AHNAK: variants seen among roughly 807,000 people sequenced by gnomAD.
The protein encoded by AHNAK is neuroblast differentiation-associated protein AHNAK.
AHNAK carries 23 observed loss-of-function variants against 37.8 expected under a neutral mutation model. The ratio of observed to expected loss-of-function variants is 0.61; its 90% CI spans 0.44 to 0.86. The LOEUF (loss-of-function observed/expected upper bound fraction) is 0.86. Among genes scored for constraint, AHNAK ranks in the 40% least tolerant of loss-of-function variants. The probability of loss-of-function intolerance (pLI) is 0.00; values close to 1 mark genes in which losing one functional copy is unlikely to be tolerated. For missense variants in AHNAK, 7,411 were observed against 7,319.4 expected (o/e 1.01, Z -0.46); for synonymous variants, 2,481 against 2,636.3 (o/e 0.94, Z 1.80).
intron 5 of AHNAK, among the ~76,000 whole-genome samples, chr11:62,436,781 A>G (rs1938180972): frequency 6.6e-6 from 1 of 151,086 alleles, no homozygotes; most frequent in Non-Finnish European, 1.5e-5. Flanking sequence ...CCAAAAATAC[A>G]AAAAAAAATT....
intron 5 of AHNAK, among the ~76,000 whole-genome samples, chr11:62,442,580 A>C (rs1260848458): frequency 6.6e-6 from 1 of 151,536 alleles, no homozygotes; most frequent in Non-Finnish European, 1.5e-5. Flanking sequence ...TATTTAGAGA[A>C]AAATATTTGC....
chr11:62,525,464 G>A lies in AHNAK; in HGVS notation c.8953C>T (p.Leu2985=). 2 of 1,613,528 alleles carry A rather than the reference G, an allele frequency of 1.2e-6. No homozygotes were observed. Among genetic ancestry groups the A allele is most frequent in the Non-Finnish European group, 8.5e-7 (1 of 1,179,906 alleles). ...PKVKGDVDIS[L]PKVEGDLKGP... Reference sequence around the variant, plus strand: ...TTGAGGTCACCTTCCACTTTGGGCAGAGAAATATCCACATCGCCCTTCACC... The same window carrying A: ...TTGAGGTCACCTTCCACTTTGGGCAAAGAAATATCCACATCGCCCTTCACC... The change falls in exon 5 of 5, where the codon CTG becomes TTG. Residue 2985 remains leucine (L), a synonymous_variant. Coordinates refer to ENST00000378024, the MANE Select transcript of AHNAK (RefSeq NM_001620.3).
At chr11:62,539,311 G>A (rs939737160) in intron 1 of AHNAK, among the ~76,000 whole-genome samples, 7 of 152,170 alleles carry the variant, frequency 4.6e-5, no homozygotes, top group Non-Finnish European at 7.4e-5. Flanking sequence ...CCTTCAGATC[G>A]CCCAGACACC....
Position 62,521,650 on chromosome 11 carries a change from T to G in AHNAK, c.12767A>C (p.Lys4256Thr). ...KMPEMNIKAPKISMPDFDLHL... is the reference protein window; with the variant it reads ...KMPEMNIKAPTISMPDFDLHL... ...CAAATCAAAGTCAGGCATGGAGATC[T>G]TGGGGGCTTTGATGTTCATCTCAGG... Residue 4256 changes from lysine (K) to threonine (T), a missense_variant, in exon 5 of 5, where the codon AAG (lysine) becomes ACG (threonine). Physicochemically the swap from Lys to Thr is moderately conservative, Grantham distance 78 (BLOSUM62 -1). Coordinates refer to ENST00000378024, the MANE Select transcript of AHNAK (RefSeq NM_001620.3). The G allele has an allele frequency of 6.2e-7, 1 of 1,613,940 alleles. No homozygotes were observed. The highest frequency in any genetic ancestry group is 1.3e-5 in the African/African-American group (1 of 74,942).
At chr11:62,540,506 G>A (rs949911854) in intron 1 of AHNAK, among the ~76,000 whole-genome samples, 5 of 152,122 alleles carry the variant, frequency 3.3e-5, no homozygotes, top group African/African-American at 4.8e-5. Context: ...AGCCTCCCTC[G>A]TGATAGCAAG....
chr11:62,516,723 G>T lies in AHNAK; in HGVS notation c.*21C>A. 6.3e-7 allele frequency: 1 copy of T among 1,581,336 alleles called. No homozygotes were observed. The highest frequency in any genetic ancestry group is 8.6e-7 in the Non-Finnish European group (1 of 1,166,394). On this transcript the variant is annotated 3_prime_UTR_variant, in exon 5 of 5. Transcript: ENST00000378024. The stretch of plus-strand genomic sequence containing the variant: ...GATGTTTTGTTATATATATATATAT[G>T]TACACACATACAAAGGCCTGCTACT...
At chr11:62,445,743 G>A (rs759342511) in intron 5 of AHNAK, among the ~76,000 whole-genome samples, 32 of 146,952 alleles carry the variant, frequency 2.2e-4, no homozygotes, top group Middle Eastern at 4.0e-3. Flanking sequence ...CAGTCCGGGC[G>A]CAGTGGTTCA....
chr11:62,477,224 A>T (rs557459735), intron 5 of AHNAK, among the ~76,000 whole-genome samples: 1 of 152,264 alleles, frequency 6.6e-6, no homozygotes, highest in African/African-American at 2.4e-5. Flanking sequence ...GGAATGAAAA[A>T]ACTTATTTCT....
chr11:62,522,109 A>G lies in AHNAK; in HGVS notation c.12308T>C (p.Ile4103Thr), dbSNP rs777422730. The stretch of plus-strand genomic sequence containing the variant: ...TTTCCCTTCTGGACCATGAATATCA[A>G]TATCAGGAGTGTCAATGTCCACTTT... ...GPKVDIDTPD[I>T]DIHGPEGKLK... is the part of the protein sequence containing the mutation. Residue 4103 changes from isoleucine (I) to threonine (T), a missense_variant, in exon 5 of 5, where the codon ATT (isoleucine) becomes ACT (threonine). By Grantham distance (89) the Ile-to-Thr change is moderately conservative. Coordinates refer to ENST00000378024, the MANE Select transcript of AHNAK (RefSeq NM_001620.3). 1.5e-5 allele frequency: 24 copies of G among 1,613,554 alleles called. No homozygotes were observed. Among genetic ancestry groups the G allele is most frequent in the East Asian group, 4.5e-5 (2 of 44,858 alleles).
Position 62,519,328 on chromosome 11 carries a change from A to C in AHNAK, c.15089T>G (p.Met5030Arg). The stretch of plus-strand genomic sequence containing the variant: ...TTTGGCCTTAATCTTAGGACCACTC[A>C]TATGAATTTTAGGCATTTTAAACTT... ...KSKFKMPKIH[M>R]SGPKIKAKKQ... The change falls in exon 5 of 5, where the codon ATG becomes AGG. Residue 5030 changes from methionine (M) to arginine (R), a missense_variant. Transcript: ENST00000378024. 6.2e-7 allele frequency: 1 copy of C among 1,614,138 alleles called. No individual in the cohort carries two copies. Among genetic ancestry groups the C allele is most frequent in the East Asian group, 2.2e-5 (1 of 44,884 alleles).
chr11:62,539,474 C>T (rs1445702555), intron 1 of AHNAK, among the ~76,000 whole-genome samples: 2 of 135,378 alleles, frequency 1.5e-5, no homozygotes, highest in Admixed American at 1.8e-4. Context: ...CTGCAGCTGG[C>T]TGCAACAGCT....
chr11:62,520,181 C>G lies in AHNAK; in HGVS notation c.14236G>C (p.Val4746Leu). 1 of 1,613,638 alleles carries G rather than the reference C, an allele frequency of 6.2e-7. No homozygotes were observed. Among genetic ancestry groups the G allele is most frequent in the East Asian group, 2.2e-5 (1 of 44,826 alleles). ...KGDVDVTLPK[V>L]EGDLKGPEAD... ...TCTGGGCCCTTGAGGTCACCTTCCA[C>G]TTTAGGAAGGGTAACATCCACATCG... Residue 4746 changes from valine (V) to leucine (L), a missense_variant, in exon 5 of 5, where the codon GTG becomes CTG. Transcript: ENST00000378024.
At chr11:62,484,610 C>G (rs1474169654) in intron 5 of AHNAK, among the ~76,000 whole-genome samples, 1 of 152,024 alleles carries the variant, frequency 6.6e-6, no homozygotes, top group East Asian at 1.9e-4. Context: ...CCCCTGTGGC[C>G]AGAGCTCCAT....
In AHNAK at chr11:62,522,987, G is replaced by T. The variant is rs1308725204; in HGVS notation, c.11430C>A (p.Pro3810=). ...WHLKMPKVKM[P]KFSMPGFKGE... is the part of the protein sequence containing the mutation. ...CTTTGAAGCCAGGCATGCTGAACTT[G>T]GGCATTTTCACCTTGGGCATCTTCA... The change falls in exon 5 of 5, where the codon CCC becomes CCA. Residue 3810 remains proline (P), a synonymous_variant. Coordinates refer to ENST00000378024, the MANE Select transcript of AHNAK (RefSeq NM_001620.3). The T allele has an allele frequency of 6.2e-7, 1 of 1,613,378 alleles. No homozygotes were observed. Among genetic ancestry groups the T allele is most frequent in the African/African-American group, 1.3e-5 (1 of 74,684 alleles).
intron 4 of AHNAK, among the ~76,000 whole-genome samples, chr11:62,492,192 A>T (rs1247941266): frequency 1.3e-5 from 2 of 152,214 alleles, no homozygotes; most frequent in Admixed American, 6.5e-5. Context: ...ACAACTGAAC[A>T]CTGAGGAACA....
chr11:62,500,343 T>G (rs1939689747), intron 4 of AHNAK, among the ~76,000 whole-genome samples: 1 of 152,192 alleles, frequency 6.6e-6, no homozygotes, highest in South Asian at 2.1e-4. Flanking sequence ...AATCATACTA[T>G]AAAGGTACCT....
At chr11:62,538,541 G>A (rs1165325709) in intron 1 of AHNAK, among the ~76,000 whole-genome samples, 3 of 152,176 alleles carry the variant, frequency 2.0e-5, no homozygotes, top group Admixed American at 6.5e-5. Flanking sequence ...GTTTACATCC[G>A]GAAAGTATCA....
At chr11:62,459,607 G>A (rs1361419401) in intron 5 of AHNAK, among the ~76,000 whole-genome samples, 2 of 152,076 alleles carry the variant, frequency 1.3e-5, no homozygotes, top group Admixed American at 6.6e-5. Flanking sequence ...CCCTCTGCTG[G>A]GCAGAAAATG....
At chr11:62,546,629 G>A (rs1440024087) in intron 1 of AHNAK, 31 bp downstream of exon 1, 1 of 152,362 alleles carries the variant, frequency 6.6e-6, no homozygotes, top group Admixed American at 6.5e-5. Context: ...CCCGGACCCC[G>A]ATGGCGCCAC....
Sources: allele counts gnomAD v4.1 joint callset (sites outside exome capture counted in the v4.1 genomes callset), GRCh38; gene constraint gnomAD v4.1.1; transcripts MANE v1.5; gene names NCBI Gene and HGNC (gene_info 2026-07-23, HGNC 2026-07-21).